MTG1: variants seen among roughly 807,000 people sequenced by gnomAD.
MTG1 encodes mitochondrial ribosome-associated GTPase 1.
Under a neutral mutation model 39.5 loss-of-function variants are expected in MTG1, and 30 were observed. The observed-to-expected ratio is 0.76, with a 90% confidence interval of 0.57 to 1.03. The LOEUF is 1.03. MTG1 is among the 50% of genes least tolerant of loss of function. The probability of loss-of-function intolerance (pLI) is 0.00; values close to 1 mark genes in which losing one functional copy is unlikely to be tolerated. For synonymous variants in MTG1, 217 were observed against 179.0 expected, an observed-to-expected ratio of 1.21 and a Z score of -1.69; for missense variants, 513 against 447.4, an observed-to-expected ratio of 1.15 and a Z score of -1.32.
chr10:133,418,483 C>G (rs1027045319), intron 9 of MTG1, among the ~76,000 whole-genome samples: 2 of 151,922 alleles, frequency 1.3e-5, no homozygotes, highest in South Asian at 4.2e-4. Flanking sequence ...AGGCTTGCTC[C>G]TCTCTCCTGG....
chr10:133,404,483 TA>T (rs1564820476), intron 9 of MTG1, among the ~76,000 whole-genome samples: 1 of 17,314 alleles, frequency 5.8e-5, no homozygotes, highest in Non-Finnish European at 7.9e-4. Context: ...ATACGGTTTG[TA>T]AATACTTTAA....
chr10:133,419,496 G>T lies in MTG1; in HGVS notation c.769G>T (p.Gly257Cys). 2 of 1,602,860 alleles carry T rather than the reference G, an allele frequency of 1.2e-6. No homozygotes were observed. The highest frequency in any genetic ancestry group is 2.3e-5 in the East Asian group (1 of 44,418). ...HQRFGYVQHY[G>C]LGSACDNVER... ...TATGTGCAGGTACGTGCAGCACTAC[G>T]GCCTGGGCAGTGCCTGTGACAACGT... Residue 257 changes from glycine (G) to cysteine (C), a missense_variant, in exon 10 of 11, where the codon GGC becomes TGC. Transcript: ENST00000317502.
intron 9 of MTG1, among the ~76,000 whole-genome samples, chr10:133,406,402 C>T (rs2133502828): frequency 6.6e-6 from 1 of 152,250 alleles, no homozygotes; most frequent in East Asian, 1.9e-4. Context: ...AGAGATCCTC[C>T]TGCCTCAGCC....
chr10:133,395,192 G>C (rs929812333), intron 1 of MTG1, among the ~76,000 whole-genome samples: 1 of 152,150 alleles, frequency 6.6e-6, no homozygotes, highest in Non-Finnish European at 1.5e-5. Flanking sequence ...TCAGGACATC[G>C]AGACTATCCT....
intron 9 of MTG1, among the ~76,000 whole-genome samples, chr10:133,405,761 T>C (rs1849960466): frequency 6.6e-6 from 1 of 152,248 alleles, no homozygotes; most frequent in Admixed American, 6.5e-5. Context: ...GTAGATTGCA[T>C]ATCTTGGCTA....
At chr10:133,404,078 C>CTTTTT (rs34621367) in intron 9 of MTG1, among the ~76,000 whole-genome samples, 4 of 138,888 alleles carry the variant, frequency 2.9e-5, no homozygotes, top group African/African-American at 8.2e-5. Context: ...ATCCTTTTCC[C>CTTTTT]TTTTTTTTTT....
intron 9 of MTG1, among the ~76,000 whole-genome samples, chr10:133,419,182 C>A (rs904088953): frequency 2.0e-5 from 3 of 152,224 alleles, no homozygotes; most frequent in African/African-American, 7.2e-5. Context: ...TGTGTGTGAA[C>A]AGCTGTTACT....
At chr10:133,394,809 G>A in intron 1 of MTG1, 4 of 934,656 alleles carry the variant, frequency 4.3e-6, no homozygotes, top group Non-Finnish European at 5.1e-6. Flanking sequence ...CTTACTGTTT[G>A]TCACAATTCG....
At chr10:133,412,001 T>A (rs1304275646) in intron 9 of MTG1, among the ~76,000 whole-genome samples, 1 of 152,202 alleles carries the variant, frequency 6.6e-6, no homozygotes, top group Non-Finnish European at 1.5e-5. Context: ...AGCTGTTGTT[T>A]CTTGTGCACA....
rs1044244696 is a variant in MTG1 at position 133,397,784 on chromosome 10, T to TG, written c.283-651_283-650insG. ...TGAGTCACTGCGTCCAGCCTGTTTTTTTTTTTTTTTTAAATCATCGCAAGT... is the reference window on the plus strand; with the variant it reads ...TGAGTCACTGCGTCCAGCCTGTTTTTGTTTTTTTTTTTAAATCATCGCAAGT... On this transcript the variant is annotated intron_variant, in intron 3 of 10. Coordinates refer to ENST00000317502, the MANE Select transcript of MTG1 (RefSeq NM_138384.4). Among the ~76,000 whole-genome samples, 6 of 151,666 alleles carry TG rather than the reference T, an allele frequency of 4.0e-5. 1 individual carries two copies. Among genetic ancestry groups the TG allele is most frequent in the African/African-American group, 1.5e-4 (6 of 41,190 alleles).
In MTG1 at chr10:133,396,274, G is replaced by T; in HGVS notation, c.282+7G>T. The T allele has an allele frequency of 1.2e-6, 2 of 1,611,038 alleles. No individual in the cohort carries two copies. The highest frequency in any genetic ancestry group is 1.7e-6 in the Non-Finnish European group (2 of 1,177,326). ...GGATCTTACAGAGCAGCAGGTAAAG[G>T]CCTTTCTCTCAGACGCCTTCAGCAG... On this transcript the variant is annotated splice_region_variant and intron_variant, in intron 3 of 10. Coordinates refer to ENST00000317502, the MANE Select transcript of MTG1 (RefSeq NM_138384.4).
At chr10:133,399,427 T>C in intron 5 of MTG1, 102 bp from the exon 6 acceptor site, 1 of 1,295,866 alleles carries the variant, frequency 7.7e-7, no homozygotes, top group East Asian at 2.3e-5. Flanking sequence ...CCTTCTTCCC[T>C]GAGCTGACCT....
At chr10:133,399,079 A>G in intron 4 of MTG1, 91 bp from the exon 5 acceptor site, 1 of 1,371,712 alleles carries the variant, frequency 7.3e-7, no homozygotes, top group South Asian at 1.2e-5. Context: ...AGACACTGGA[A>G]TCCCTAATCC....
In MTG1 at chr10:133,402,483, G is replaced by T; in HGVS notation, c.671-209G>T. On this transcript the variant is annotated intron_variant, in intron 8 of 10. Transcript: ENST00000317502. This position sits in a 1 kb window ranked among gnomAD's most constrained non-coding sequence, Gnocchi z 4.7. ...TTCCCTTTCCCCATTTGACGGACCA[G>T]GGCAGAGAGGTTGGTCGCAGGTGCC... The T allele has an allele frequency of 1.4e-6, 1 of 689,898 alleles. No individual in the cohort carries two copies. Among genetic ancestry groups the T allele is most frequent in the Non-Finnish European group, 2.4e-6 (1 of 409,202 alleles). 42.7% of individuals were successfully genotyped at this position (689,898 alleles called of 1,614,324 possible).
intron 1 of MTG1, among the ~76,000 whole-genome samples, chr10:133,395,431 C>T (rs1349637031): frequency 1.3e-5 from 2 of 152,166 alleles, no homozygotes; most frequent in Non-Finnish European, 2.9e-5. Context: ...GTTAAATATT[C>T]CACCCAGAGT....
chr10:133,400,536 A>G (rs1240775608), intron 6 of MTG1, among the ~76,000 whole-genome samples: 1 of 152,264 alleles, frequency 6.6e-6, no homozygotes, highest in Non-Finnish European at 1.5e-5. Flanking sequence ...TGATGTGCAA[A>G]TCTGAAGGCT....
At chr10:133,398,620 TC>T in intron 4 of MTG1, 105 bp downstream of exon 4, 1 of 1,328,482 alleles carries the variant, frequency 7.5e-7, no homozygotes, top group South Asian at 1.4e-5. Context: ...TTGGAAAAGA[TC>T]CTAGGTGTTG....
chr10:133,394,590 T>A, intron 1 of MTG1: 2 of 1,310,848 alleles, frequency 1.5e-6, no homozygotes, highest in South Asian at 2.0e-5. Context: ...CTGCTTGACC[T>A]CCTACCTCTG....
At position 133,396,224 on chromosome 10, in the gene MTG1, T is replaced by G; in HGVS notation, c.239T>G (p.Leu80Arg). 2 of 1,614,242 alleles carry G rather than the reference T, an allele frequency of 1.2e-6. No homozygotes were observed. The highest frequency in any genetic ancestry group is 1.7e-6 in the Non-Finnish European group (2 of 1,180,028). ...ACCCTTGGGCTTAAGCCTCACTTGC[T>G]GGTCCTCAACAAGATGGACTTGGCG... is the stretch of plus-strand genomic sequence containing the variant. Reference protein sequence around the residue: ...QETLGLKPHLLVLNKMDLADL... With the variant: ...QETLGLKPHLRVLNKMDLADL... Residue 80 changes from leucine to arginine, a missense_variant, in exon 3 of 11, where the codon CTG (leucine) becomes CGG (arginine). By Grantham distance (102) the Leu-to-Arg change is moderately radical. Coordinates refer to ENST00000317502, the MANE Select transcript of MTG1 (RefSeq NM_138384.4).
Sources: gnomAD v4.1 joint callset for allele counts (sites outside exome capture counted in the v4.1 genomes callset) on GRCh38, gnomAD v4.1.1 for gene constraint, Gnocchi (gnomAD v3.1) non-coding constraint, MANE v1.5 for transcripts, NCBI Gene and HGNC (gene_info 2026-07-23, HGNC 2026-07-21) for gene names.